VAV3: variants seen among roughly 807,000 people sequenced by gnomAD.
The protein encoded by VAV3 is guanine nucleotide exchange factor VAV3.
A neutral mutation model predicts 131.2 loss-of-function variants in VAV3; 94 were observed. That is an observed-to-expected ratio of 0.72 (90% CI 0.61 to 0.85). The LOEUF is 0.85. Among genes scored for constraint, VAV3 ranks in the 40% least tolerant of loss-of-function variants. VAV3 has a pLI of 0.00. For missense variants in VAV3, 939 were observed against 1,002.7 expected (o/e 0.94, Z 0.86); for synonymous variants, 349 against 342.0 (o/e 1.02, Z -0.22).
At chr1:107,935,675 C>CAAT (rs1211833922) in intron 1 of VAV3, among the ~76,000 whole-genome samples, 12 of 152,090 alleles carry the variant, frequency 7.9e-5, no homozygotes, top group African/African-American at 2.7e-4. Context: ...GGCAAAGGGA[C>CAAT]AATAGGGTGC....
At chr1:107,579,490 C>T (rs564390244) in intron 25 of VAV3, among the ~76,000 whole-genome samples, 11 of 152,146 alleles carry the variant, frequency 7.2e-5, no homozygotes, top group African/African-American at 7.2e-5. Context: ...GTTAGTACAC[C>T]GTTCAGCCCT....
intron 12 of VAV3, 21 bp downstream of exon 12, chr1:107,755,406 G>T: frequency 6.4e-7 from 1 of 1,554,536 alleles, no homozygotes; most frequent in African/African-American, 1.4e-5. Context: ...GGGGAAGCTG[G>T]ATGGAAAGAT....
chr1:107,631,477 T>A (rs1034592392), intron 20 of VAV3, among the ~76,000 whole-genome samples: 10 of 63,744 alleles, frequency 1.6e-4, no homozygotes, highest in African/African-American at 5.1e-4. Flanking sequence ...TTTTTAATTT[T>A]ATTTTATTAT....
chr1:107,637,036 G>A (rs1654982210), intron 20 of VAV3, among the ~76,000 whole-genome samples: 1 of 152,026 alleles, frequency 6.6e-6, no homozygotes, highest in Admixed American at 6.6e-5. Context: ...AACCAATAAA[G>A]CCAAAATCTG....
intron 15 of VAV3, among the ~76,000 whole-genome samples, chr1:107,731,008 C>G (rs752607647): frequency 6.6e-6 from 1 of 152,094 alleles, no homozygotes; most frequent in Non-Finnish European, 1.5e-5. Flanking sequence ...GCTACCTCAC[C>G]AGACTCTTTA....
intron 2 of VAV3, among the ~76,000 whole-genome samples, chr1:107,784,598 T>C (rs1665883816): frequency 6.6e-6 from 1 of 152,152 alleles, no homozygotes; most frequent in African/African-American, 2.4e-5. Context: ...GAAGAGTATA[T>C]AAAAACATAA....
intron 2 of VAV3, among the ~76,000 whole-genome samples, chr1:107,838,160 T>G (rs1452069308): frequency 6.6e-6 from 1 of 151,852 alleles, no homozygotes; most frequent in East Asian, 1.9e-4. Context: ...ATAACCAGAA[T>G]CTATCAGGAA....
At chr1:107,909,448 G>GA (rs150606504) in intron 1 of VAV3, among the ~76,000 whole-genome samples, 5 of 149,480 alleles carry the variant, frequency 3.3e-5, no homozygotes, top group East Asian at 3.9e-4. Flanking sequence ...GTAGACAATG[G>GA]AAAAAAAAAT....
At chr1:107,808,196 G>A (rs978761315) in intron 2 of VAV3, among the ~76,000 whole-genome samples, 17 of 152,162 alleles carry the variant, frequency 1.1e-4, no homozygotes, top group Admixed American at 1.3e-4. Flanking sequence ...GTAGAAATAC[G>A]GGATACATAT....
intron 25 of VAV3, among the ~76,000 whole-genome samples, chr1:107,594,417 T>C (rs1651207818): frequency 6.6e-6 from 1 of 152,088 alleles, no homozygotes; most frequent in African/African-American, 2.4e-5. Flanking sequence ...AAATTTTCAA[T>C]GAATTGTTTG....
chr1:107,686,465 A>G (rs59226361), intron 18 of VAV3, among the ~76,000 whole-genome samples: 40,792 of 152,180 alleles, frequency 0.27, 6,647 homozygotes, highest in East Asian at 0.44. Context: ...CTATTTACTT[A>G]TGAGAAGATT....
chr1:107,624,822 C>T (rs1653886850), intron 20 of VAV3, among the ~76,000 whole-genome samples: 1 of 152,190 alleles, frequency 6.6e-6, no homozygotes, highest in Non-Finnish European at 1.5e-5. Context: ...GCACAAGGCA[C>T]TGTGTTACAT....
At chr1:107,753,535 T>TACAC (rs1354923317) in intron 12 of VAV3, among the ~76,000 whole-genome samples, 1 of 91,316 alleles carries the variant, frequency 1.1e-5, no homozygotes, top group East Asian at 3.9e-4. Flanking sequence ...TACGTATATA[T>TACAC]ATATATATAT....
At chr1:107,683,456 C>A (rs767130179) in intron 19 of VAV3, 32 bp downstream of exon 19, 2 of 1,612,522 alleles carry the variant, frequency 1.2e-6, no homozygotes, top group Admixed American at 3.3e-5. Flanking sequence ...TAGCTGAAGC[C>A]ATAATTATGG....
intron 19 of VAV3, among the ~76,000 whole-genome samples, chr1:107,658,075 T>C (rs1219587162): frequency 1.3e-5 from 2 of 152,218 alleles, no homozygotes; most frequent in East Asian, 1.9e-4. Context: ...TATCTCTTTC[T>C]AATGAAAGAA....
intron 2 of VAV3, among the ~76,000 whole-genome samples, chr1:107,861,988 A>C (rs1290763378): frequency 6.6e-6 from 1 of 151,680 alleles, no homozygotes; most frequent in African/African-American, 2.4e-5. Context: ...TGACTGCTCT[A>C]CGCACTGGCC....
intron 15 of VAV3, among the ~76,000 whole-genome samples, chr1:107,718,614 T>A (rs1661275301): frequency 6.6e-6 from 1 of 152,112 alleles, no homozygotes; most frequent in Non-Finnish European, 1.5e-5. Context: ...ATCAATATCA[T>A]GAAAATGGCC....
At chr1:107,739,310 C>A (rs1355998872) in intron 15 of VAV3, among the ~76,000 whole-genome samples, 1 of 152,216 alleles carries the variant, frequency 6.6e-6, no homozygotes. Flanking sequence ...CCGGATCAAA[C>A]AGGCTATTGA....
rs118165983 is a variant in VAV3, at chr1:107,903,161, T to A, written c.205-28144A>T. ...AGAGAAAAAATGAGGTAGCAGGATA[T>A]TTAATTTTTTAAAAAAATCTGAGCA... On this transcript the variant is annotated intron_variant, in intron 1 of 26. Coordinates refer to ENST00000370056, the MANE Select transcript of VAV3 (RefSeq NM_006113.5). Among the ~76,000 whole-genome samples, 175 of 152,226 alleles carry A rather than the reference T, an allele frequency of 1.1e-3. 1 individual carries two copies. In the East Asian group the frequency reaches 0.025, roughly 22 times the overall value.
Sources: allele counts gnomAD v4.1 joint callset (sites outside exome capture counted in the v4.1 genomes callset), GRCh38; gene constraint gnomAD v4.1.1; transcripts MANE v1.5; gene names NCBI Gene and HGNC (gene_info 2026-07-23, HGNC 2026-07-21).